The following SLC9C1 variants were observed in gnomAD, a reference collection of about 807,000 sequenced individuals.
SLC9C1 encodes sodium/hydrogen exchanger 10.
In SLC9C1, 97 loss-of-function variants were observed where a neutral mutation model predicts 140.9. That is an observed-to-expected ratio of 0.69 (90% CI 0.58 to 0.82). The LOEUF (loss-of-function observed/expected upper bound fraction) is 0.82, where lower values mean the gene tolerates loss of function less well. SLC9C1 is among the 40% of genes least tolerant of loss of function. The probability of loss-of-function intolerance (pLI) is 0.00; values close to 1 mark genes in which losing one functional copy is unlikely to be tolerated. For synonymous variants in SLC9C1, 440 were observed against 442.6 expected, an observed-to-expected ratio of 0.99 and a Z score of 0.07; for missense variants, 1,340 against 1,389.3, an observed-to-expected ratio of 0.96 and a Z score of 0.56.
chr3:112,159,176 A>C (rs1044222024), intron 26 of SLC9C1, among the ~76,000 whole-genome samples: 5 of 151,644 alleles, frequency 3.3e-5, no homozygotes, highest in African/African-American at 1.2e-4. Flanking sequence ...TATATCTCAT[A>C]GGCTCTGGAA....
At chr3:112,223,779 T>C (rs1323760978) in intron 13 of SLC9C1, among the ~76,000 whole-genome samples, 1 of 152,224 alleles carries the variant, frequency 6.6e-6, no homozygotes, top group Non-Finnish European at 1.5e-5. Context: ...TGAATATTAT[T>C]TGAGCACCTA....
intron 19 of SLC9C1, among the ~76,000 whole-genome samples, chr3:112,199,775 G>T (rs2077861130): frequency 6.6e-6 from 1 of 151,956 alleles, no homozygotes; most frequent in Admixed American, 6.6e-5. Context: ...GCTGCTCAGG[G>T]CTATATGTCT....
rs1289098933 is a variant in SLC9C1 at position 112,270,081 on chromosome 3, CAAGA to C, written c.614-8_614-5del. ...ATTCCACCCACGATCTCTTCAGCTA[CAAGA>C]AAGGGGCGTAAATAAGAAATAGTTA... On this transcript the variant is annotated splice_polypyrimidine_tract_variant and splice_region_variant and intron_variant, in intron 6 of 28. Transcript: ENST00000305815. 4 of 1,533,456 alleles carry C rather than the reference CAAGA, an allele frequency of 2.6e-6. No homozygotes were observed. The African/African-American group carries it at 5.6e-5, about 22-fold the overall frequency. The allele number at this position is 1,533,456 out of a possible 1,614,324, so 95.0% of individuals were successfully genotyped here.
chr3:112,185,759 C>CA (rs1329205251), intron 20 of SLC9C1: 1 of 1,543,172 alleles, frequency 6.5e-7, no homozygotes, highest in Non-Finnish European at 8.7e-7. Flanking sequence ...GGCTGTCCTT[C>CA]AGGGAGGGCG....
rs6438036 is a variant in SLC9C1 at position 112,182,063 on chromosome 3, T to C, written c.2649+70A>G. 2.8e-3 allele frequency: 3,176 copies of C among 1,134,994 alleles called. 60 individuals carry two copies. The African/African-American group carries it at 0.039, about 14-fold the overall frequency. 70.3% of individuals were successfully genotyped at this position (1,134,994 alleles called of 1,614,324 possible). Reference sequence around the variant, plus strand: ...AATATTAAACTAGAGAGTATCATGGTTAAATTCTTATTTTAAAGATTATTT... The same window carrying C: ...AATATTAAACTAGAGAGTATCATGGCTAAATTCTTATTTTAAAGATTATTT... On this transcript the variant is annotated intron_variant, in intron 21 of 28. Transcript: ENST00000305815.
At chr3:112,150,809 TAAATACATATACATATATATATATATA>T (rs1560003347) in intron 28 of SLC9C1, among the ~76,000 whole-genome samples, 35 of 98,830 alleles carry the variant, frequency 3.5e-4, no homozygotes, top group African/African-American at 8.0e-4. Flanking sequence ...TATATATATA[TAAATACATATACATATATATATATATA>T]TATATTTTTT....
chr3:112,274,922 T>C lies in SLC9C1; in HGVS notation c.588A>G (p.Leu196=), dbSNP rs1320338397. Reference sequence around the variant, plus strand: ...CTAAGGTATGGTTTCTTTTACTTTGTAGTCTTTGGTCAAAATCCATAATAC... The same window carrying C: ...CTAAGGTATGGTTTCTTTTACTTTGCAGTCTTTGGTCAAAATCCATAATAC... ...FTSIMDFDQR[L]QSKRNHTLAE... is the part of the protein sequence containing the mutation. Residue 196 remains leucine, a synonymous_variant, in exon 6 of 29, where the codon CTA becomes CTG. Transcript: ENST00000305815. 2 of 1,564,562 alleles carry C rather than the reference T, an allele frequency of 1.3e-6. No homozygotes were observed. Among genetic ancestry groups the C allele is most frequent in the East Asian group, 2.3e-5 (1 of 43,710 alleles).
At chr3:112,223,815 A>C (rs1448798099) in intron 13 of SLC9C1, among the ~76,000 whole-genome samples, 1 of 152,226 alleles carries the variant, frequency 6.6e-6, no homozygotes, top group East Asian at 1.9e-4. Flanking sequence ...TGTGGTATTC[A>C]CTGAAGACAT....
chr3:112,239,773 G>T lies in SLC9C1; in HGVS notation c.1446+67C>A, dbSNP rs2079090729. On this transcript the variant is annotated intron_variant, in intron 12 of 28. Coordinates refer to ENST00000305815, the MANE Select transcript of SLC9C1 (RefSeq NM_183061.3). ...TTAAAACTTGTGAATTAATATTTAT[G>T]ATCTGATTTATACTTCAGTATAATC... 6.0e-6 allele frequency: 8 copies of T among 1,330,092 alleles called. No individual in the cohort carries two copies. In the South Asian group the frequency reaches 6.2e-5, roughly 10 times the overall value. The allele number at this position is 1,330,092 out of a possible 1,614,324, so 82.4% of individuals were successfully genotyped here.
intron 11 of SLC9C1, among the ~76,000 whole-genome samples, chr3:112,240,530 G>A (rs540426693): frequency 6.6e-6 from 1 of 152,282 alleles, no homozygotes; most frequent in East Asian, 1.9e-4. Context: ...ATCTGTTGGA[G>A]GCCTCAATAA....
chr3:112,219,086 G>A (rs543723086), intron 14 of SLC9C1, among the ~76,000 whole-genome samples: 3 of 152,304 alleles, frequency 2.0e-5, no homozygotes, highest in African/African-American at 7.2e-5. Flanking sequence ...CATGTAAAGT[G>A]TTTAAAACTG....
chr3:112,255,036 T>C (rs2108270329), intron 10 of SLC9C1, among the ~76,000 whole-genome samples: 1 of 152,264 alleles, frequency 6.6e-6, no homozygotes, highest in East Asian at 1.9e-4. Flanking sequence ...AAGACCTAAC[T>C]ATACTAAATA....
At chr3:112,190,954 CACACACACACAT>C (rs1322371171) in intron 20 of SLC9C1, among the ~76,000 whole-genome samples, 7 of 146,002 alleles carry the variant, frequency 4.8e-5, no homozygotes, top group Non-Finnish European at 7.6e-5. Context: ...CACACACACA[CACACACACACAT>C]ATATATATAT....
chr3:112,169,480 A>T (rs544116761), intron 23 of SLC9C1, 152 bp from the exon 24 acceptor site: 4 of 744,392 alleles, frequency 5.4e-6, no homozygotes, highest in Non-Finnish European at 8.0e-6. Context: ...GTGTCTATCA[A>T]TGAAAATTGG....
intron 15 of SLC9C1, among the ~76,000 whole-genome samples, chr3:112,216,015 C>T (rs4318530): frequency 0.76 from 114,803 of 151,986 alleles, 43,757 homozygotes; most frequent in East Asian, 0.99. Flanking sequence ...GAGATATAGA[C>T]GAATGGAACA....
rs9872691 is a variant in SLC9C1 at position 112,266,260 on chromosome 3, T to C, written c.856A>G (p.Ile286Val). The C allele has an allele frequency of 0.28, 454,071 of 1,607,662 alleles. 65,735 individuals are homozygous for C. Among genetic ancestry groups the C allele is most frequent in the Admixed American group, 0.38 (22,455 of 59,818 alleles). ...TACTCAAGAAGAAGTGTTTCTTCAA[T>C]TGCTGCTTTAAAACTTGTAGAATTT... ...LLNSTSFKAAIEETLLLEFWT... is the reference protein window; with the variant it reads ...LLNSTSFKAAVEETLLLEFWT... Residue 286 changes from isoleucine (I) to valine (V), a missense_variant, in exon 8 of 29, where the codon ATT becomes GTT. Ile to Val is a conservative substitution (Grantham distance 29, BLOSUM62 3). Coordinates refer to ENST00000305815, the MANE Select transcript of SLC9C1 (RefSeq NM_183061.3).
chr3:112,166,159 G>A (rs942955206), intron 26 of SLC9C1, among the ~76,000 whole-genome samples: 3 of 152,174 alleles, frequency 2.0e-5, no homozygotes, highest in East Asian at 1.9e-4. Context: ...TTTTCCAGGC[G>A]CCGTCTGTCA....
chr3:112,179,583 CA>C lies in SLC9C1; in HGVS notation c.2866del (p.Cys956AlafsTer2). The C allele has an allele frequency of 6.2e-7, 1 of 1,611,224 alleles. No homozygotes were observed. Among genetic ancestry groups the C allele is most frequent in the South Asian group, 1.1e-5 (1 of 90,032 alleles). On this transcript the variant is annotated frameshift_variant, in exon 23 of 29. Transcript: ENST00000305815. LOFTEE classifies it high-confidence loss of function. ...ATATTTCATAGGTTCATTAGTTAAG[CA>C]GTTTATCTCTCCTATTATTTCTCCA... ...LSGEIIGEIN[C>X]LTNEPMKYSA...
chr3:112,200,676 A>G, intron 19 of SLC9C1, 35 bp downstream of exon 19: 2 of 1,586,268 alleles, frequency 1.3e-6, no homozygotes, highest in South Asian at 2.3e-5. Context: ...TGATGATAAG[A>G]GATGGTCATG....
Sources: allele counts gnomAD v4.1 joint callset (sites outside exome capture counted in the v4.1 genomes callset), GRCh38; gene constraint gnomAD v4.1.1; transcripts MANE v1.5; gene names NCBI Gene and HGNC (gene_info 2026-07-23, HGNC 2026-07-21).